The following ABCC11 variants were observed in gnomAD, a reference collection of about 807,000 sequenced individuals.
ABCC11 encodes ATP binding cassette subfamily C member 11, also known as ATP-binding cassette sub-family C member 11.
ABCC11 carries 135 observed loss-of-function variants against 149.3 expected under a neutral mutation model. That is an observed-to-expected ratio of 0.90 (90% CI 0.79 to 1.04). The LOEUF (loss-of-function observed/expected upper bound fraction) is 1.04. Ranked by LOEUF, ABCC11 falls within the 50% of genes least tolerant of loss-of-function variation. The pLI is 0.00. For synonymous variants in ABCC11, 665 were observed against 671.4 expected, an observed-to-expected ratio of 0.99 and a Z score of 0.15; for missense variants, 1,680 against 1,722.1, an observed-to-expected ratio of 0.98 and a Z score of 0.43.
chr16:48,175,036 G>A (rs1442309601), intron 26 of ABCC11, among the ~76,000 whole-genome samples: 6 of 152,178 alleles, frequency 3.9e-5, no homozygotes, highest in African/African-American at 7.2e-5. Flanking sequence ...TTGTTTTTGC[G>A]TATAACATTA....
At position 48,227,965 on chromosome 16, in the gene ABCC11, C is replaced by T; in HGVS notation, c.237-1G>A. 6.2e-7 allele frequency: 1 copy of T among 1,608,460 alleles called. No homozygotes were observed. Among genetic ancestry groups the T allele is most frequent in the Non-Finnish European group, 8.5e-7 (1 of 1,177,156 alleles). On this transcript the variant is annotated splice_acceptor_variant, in intron 3 of 29. Transcript: ENST00000356608. LOFTEE classifies it high-confidence loss of function. ...GTCCAGGGGCTGGGGGGCAGGAAAC[C>T]TAGTAGAGGGGCCACAAGGATAAGA...
At chr16:48,206,692 G>T (rs1968478728) in intron 12 of ABCC11, among the ~76,000 whole-genome samples, 1 of 152,218 alleles carries the variant, frequency 6.6e-6, no homozygotes, top group Non-Finnish European at 1.5e-5. Context: ...AGGTGGTCTT[G>T]CCTGGAGGCT....
At position 48,213,502 on chromosome 16, in the gene ABCC11, A is replaced by G. The variant is rs746123150; in HGVS notation, c.1297T>C (p.Phe433Leu). The G allele has an allele frequency of 3.7e-6, 6 of 1,611,918 alleles. No homozygotes were observed. The highest frequency in any genetic ancestry group is 5.1e-6 in the Non-Finnish European group (6 of 1,179,042). ...AGACCTTTGACTGCAATAGGCACAA[A>G]GAACACTGACAGCCGAAGGAGATTC... ...SLNLLRLSVFFVPIAVKGLTN... is the reference protein window; with the variant it reads ...SLNLLRLSVFLVPIAVKGLTN... Residue 433 changes from phenylalanine to leucine, a missense_variant, in exon 10 of 30, where the codon TTT becomes CTT. Transcript: ENST00000356608.
chr16:48,226,426 G>A (rs1184467369), intron 4 of ABCC11, among the ~76,000 whole-genome samples: 1 of 151,836 alleles, frequency 6.6e-6, no homozygotes, highest in Non-Finnish European at 1.5e-5. Context: ...AGAGGCACCC[G>A]CCTCCATGCC....
intron 14 of ABCC11, among the ~76,000 whole-genome samples, chr16:48,201,338 A>G (rs1967951665): frequency 6.6e-6 from 1 of 152,126 alleles, no homozygotes; most frequent in African/African-American, 2.4e-5. Flanking sequence ...GTGCAGTGGC[A>G]CCAGCAATCA....
At chr16:48,243,468 T>A (rs939381653) in intron 1 of ABCC11, among the ~76,000 whole-genome samples, 2 of 149,518 alleles carry the variant, frequency 1.3e-5, no homozygotes, top group African/African-American at 4.9e-5. Flanking sequence ...GGAGATTTCA[T>A]AACAAAACAC....
At chr16:48,199,958 G>A (rs1004893697) in intron 15 of ABCC11, among the ~76,000 whole-genome samples, 2 of 152,138 alleles carry the variant, frequency 1.3e-5, no homozygotes, top group African/African-American at 4.8e-5. Flanking sequence ...TTATAGGCAT[G>A]AGCCACCGTG....
In ABCC11 at chr16:48,187,019, A is replaced by C. The variant is rs1966787669; in HGVS notation, c.3005T>G (p.Ile1002Ser). 6.2e-7 allele frequency: 1 copy of C among 1,614,134 alleles called. No homozygotes were observed. ...GCTCAGGCCTTGCAGAGAATTGAGGATGTGGGAGAATAAAGGAGACCGGCT... is the reference window on the plus strand; with the variant it reads ...GCTCAGGCCTTGCAGAGAATTGAGGCTGTGGGAGAATAAAGGAGACCGGCT... The part of the protein sequence containing the change: ...NYSRSPLFSH[I>S]LNSLQGLSSI... Residue 1002 changes from isoleucine to serine, a missense_variant, in exon 22 of 30, where the codon ATC becomes AGC. Coordinates refer to ENST00000356608, the MANE Select transcript of ABCC11 (RefSeq NM_001370497.1).
chr16:48,192,525 T>G lies in ABCC11; in HGVS notation c.2701A>C (p.Asn901His), dbSNP rs753775700. ...CCCAGCACCCAGGCCCATACCTTGT[T>G]GAAGAGCTTGTTGTGCAGGGCCGTG... ...ASTALHNKLF[N>H]KVFRCPMSFF... Residue 901 changes from asparagine to histidine, a missense_variant, in exon 20 of 30, where the codon AAC (asparagine) becomes CAC (histidine). Physicochemically the swap from Asn to His is moderately conservative, Grantham distance 68. Coordinates refer to ENST00000356608, the MANE Select transcript of ABCC11 (RefSeq NM_001370497.1). 46 of 1,614,074 alleles carry G rather than the reference T, an allele frequency of 2.8e-5. No homozygotes were observed. Among genetic ancestry groups the G allele is most frequent in the Non-Finnish European group, 3.8e-5 (45 of 1,180,008 alleles).
intron 24 of ABCC11, among the ~76,000 whole-genome samples, chr16:48,177,445 G>T (rs530703848): frequency 6.6e-6 from 1 of 152,262 alleles, no homozygotes; most frequent in Non-Finnish European, 1.5e-5. Context: ...CTTCGGGGGG[G>T]TTCATAGCTC....
At chr16:48,241,303 G>A (rs1222211089) in intron 1 of ABCC11, among the ~76,000 whole-genome samples, 4 of 152,108 alleles carry the variant, frequency 2.6e-5, no homozygotes. Flanking sequence ...AGAAACAGTA[G>A]ATAAACTCCA....
intron 4 of ABCC11, among the ~76,000 whole-genome samples, chr16:48,226,290 T>A (rs1970067793): frequency 6.7e-6 from 1 of 150,074 alleles, no homozygotes; most frequent in Non-Finnish European, 1.5e-5. Context: ...TTTTTTTTTT[T>A]TTGAGATGGA....
chr16:48,185,662 G>C (rs1426077158), intron 22 of ABCC11, among the ~76,000 whole-genome samples: 1 of 152,062 alleles, frequency 6.6e-6, no homozygotes, highest in Non-Finnish European at 1.5e-5. Flanking sequence ...CTTACCATCT[G>C]AGTGGGCTAT....
chr16:48,170,433 T>G (rs1965641066), intron 27 of ABCC11, among the ~76,000 whole-genome samples: 1 of 152,112 alleles, frequency 6.6e-6, no homozygotes, highest in South Asian at 2.1e-4. Context: ...TCTCAAAAGA[T>G]CTTTCATCGG....
At chr16:48,196,363 A>G (rs1249240249) in intron 17 of ABCC11, 42 bp from the exon 18 acceptor site, 4 of 1,572,648 alleles carry the variant, frequency 2.5e-6, no homozygotes, top group Admixed American at 1.7e-5. Flanking sequence ...ATGCCTGCCA[A>G]TCACATGATC....
intron 18 of ABCC11, 99 bp downstream of exon 18, chr16:48,196,133 A>T (rs1328246748): frequency 8.2e-7 from 1 of 1,216,528 alleles, no homozygotes; most frequent in Non-Finnish European, 1.2e-6. Flanking sequence ...GCTCCTCTGG[A>T]CCTCTCTACT....
intron 3 of ABCC11, among the ~76,000 whole-genome samples, chr16:48,229,682 T>A (rs8051546): frequency 0.13 from 19,279 of 151,092 alleles, 1,519 homozygotes; most frequent in African/African-American, 0.23. Flanking sequence ...GCCAGGATGG[T>A]CTCGATCTCC....
In ABCC11 at chr16:48,192,519, C is replaced by A. The variant is rs201541604; in HGVS notation, c.2706+1G>T. ...GCCCCACCCAGCACCCAGGCCCATA[C>A]CTTGTTGAAGAGCTTGTTGTGCAGG... On this transcript the variant is annotated splice_donor_variant, in intron 20 of 29. Transcript: ENST00000356608. LOFTEE classifies it high-confidence loss of function. 4.3e-5 allele frequency: 70 copies of A among 1,614,172 alleles called. 1 individual carries two copies. The Middle Eastern group carries it at 8.3e-4, about 19-fold the overall frequency.
In ABCC11 at chr16:48,208,404, AT is replaced by A. The variant is rs773178352; in HGVS notation, c.1680+20del. 6.8e-6 allele frequency: 11 copies of A among 1,613,848 alleles called. No individual in the cohort carries two copies. The highest frequency in any genetic ancestry group is 8.5e-6 in the Non-Finnish European group (10 of 1,179,882). On this transcript the variant is annotated intron_variant, in intron 12 of 29. Coordinates refer to ENST00000356608, the MANE Select transcript of ABCC11 (RefSeq NM_001370497.1). ...CTGGACTGCCTGCAGACAGGCAAGC[AT>A]GTGGCCACAGATCACTTACCTCCTC...
Sources: allele counts gnomAD v4.1 joint callset (sites outside exome capture counted in the v4.1 genomes callset), GRCh38; gene constraint gnomAD v4.1.1; transcripts MANE v1.5; gene names NCBI Gene and HGNC (gene_info 2026-07-23, HGNC 2026-07-21).